Variants in YY1AP1 observed in about 807,000 individuals in gnomAD.
YY1AP1 encodes YY1 associated protein 1.
Under a neutral mutation model 39.9 loss-of-function variants are expected in YY1AP1, and 43 were observed. The observed-to-expected ratio is 1.08, with a 90% CI of 0.84 to 1.39. YY1AP1 has a LOEUF of 1.39. Among genes scored for constraint, YY1AP1 ranks in the 40% most tolerant of loss-of-function variants. The pLI is 0.00. For missense variants in YY1AP1, 813 were observed against 900.7 expected (o/e 0.90, Z 1.25); for synonymous variants, 292 against 331.3 (o/e 0.88, Z 1.29).
intron 5 of YY1AP1, among the ~76,000 whole-genome samples, chr1:155,676,109 C>T (rs1650627036): frequency 1.3e-5 from 2 of 151,984 alleles, no homozygotes; most frequent in Admixed American, 1.3e-4. Flanking sequence ...GTAGTCACAG[C>T]TACTCGGGAG....
intron 5 of YY1AP1, 92 bp from the exon 6 acceptor site, chr1:155,675,188 T>A (rs754245946): frequency 5.2e-6 from 6 of 1,162,598 alleles, no homozygotes; most frequent in Non-Finnish European, 6.3e-6. Flanking sequence ...GGAGACAGGG[T>A]CTTGCTCTGT....
chr1:155,663,914 C>T (rs980595027), intron 9 of YY1AP1, among the ~76,000 whole-genome samples: 1 of 151,632 alleles, frequency 6.6e-6, no homozygotes, highest in African/African-American at 2.4e-5. Flanking sequence ...ATGGCTCATG[C>T]CTATAATCCC....
Position 155,659,585 on chromosome 1 carries a change from GT to G in YY1AP1, c.*71del, listed in dbSNP as rs1427190320. The G allele has an allele frequency of 3.8e-6, 6 of 1,562,678 alleles. No individual in the cohort carries two copies. The African/African-American group carries it at 8.1e-5, about 21-fold the overall frequency. On this transcript the variant is annotated 3_prime_UTR_variant, in exon 11 of 11. Coordinates refer to ENST00000355499, the MANE Select transcript of YY1AP1 (RefSeq NM_139119.3). Reference sequence around the variant, plus strand: ...AGTACCCTTTAGGGGTTTCCTATTGGTTACACCCTATGCGCCACCAATCGGA... The same window carrying G: ...AGTACCCTTTAGGGGTTTCCTATTGGTACACCCTATGCGCCACCAATCGGA...
At chr1:155,665,239 G>C (rs979931500) in intron 9 of YY1AP1, among the ~76,000 whole-genome samples, 1 of 151,588 alleles carries the variant, frequency 6.6e-6, no homozygotes, top group Admixed American at 6.6e-5. Context: ...GCAAAAAACT[G>C]AGACCCCCCC....
intron 9 of YY1AP1, among the ~76,000 whole-genome samples, chr1:155,666,519 T>C (rs1400901418): frequency 6.6e-6 from 1 of 152,152 alleles, no homozygotes; most frequent in Admixed American, 6.5e-5. Context: ...AAAATGTGCA[T>C]GTTTGTGGTG....
chr1:155,679,336 T>C (rs746347687), intron 4 of YY1AP1, 73 bp downstream of exon 4: 2 of 1,605,720 alleles, frequency 1.2e-6, no homozygotes, highest in Non-Finnish European at 1.7e-6. Context: ...AATTGTTAAC[T>C]GCAACTTCTG....
In YY1AP1 at chr1:155,660,089, G is replaced by A. The variant is rs1414522539; in HGVS notation, c.1821C>T (p.Pro607=). Reference sequence around the variant, plus strand: ...AGGGTGAGACAGAGGAGGCCACAAGGGGCTGGTTCAATGGACAGGGGAAGG... The same window carrying A: ...AGGGTGAGACAGAGGAGGCCACAAGAGGCTGGTTCAATGGACAGGGGAAGG... ...PTSFPCPLNQ[P]LVASSVSPLI... Residue 607 remains proline, a synonymous_variant, in exon 11 of 11, where the codon CCC becomes CCT. Transcript: ENST00000355499. The A allele has an allele frequency of 2.5e-6, 4 of 1,614,170 alleles. No individual in the cohort carries two copies. Among genetic ancestry groups the A allele is most frequent in the Middle Eastern group, 1.6e-4 (1 of 6,062 alleles).
At chr1:155,688,614 C>G in intron 1 of YY1AP1, 45 bp downstream of exon 1, 1 of 1,535,184 alleles carries the variant, frequency 6.5e-7, no homozygotes. Flanking sequence ...TCCACTCCCC[C>G]TCAGACCCTG....
chr1:155,680,471 A>G lies in YY1AP1; in HGVS notation c.-20-15T>C. 1 of 1,611,562 alleles carries G rather than the reference A, an allele frequency of 6.2e-7. No individual in the cohort carries two copies. The highest frequency in any genetic ancestry group is 8.5e-7 in the Non-Finnish European group (1 of 1,177,912). ...TGCTTCCTTTTCTGCAAAAAAGCCAAACGTTGTTGGTATAAATTAGATTCA... is the reference window on the plus strand; with the variant it reads ...TGCTTCCTTTTCTGCAAAAAAGCCAGACGTTGTTGGTATAAATTAGATTCA... On this transcript the variant is annotated splice_polypyrimidine_tract_variant and intron_variant, in intron 2 of 10. Coordinates refer to ENST00000355499, the MANE Select transcript of YY1AP1 (RefSeq NM_139119.3).
chr1:155,662,250 T>C (rs1377534176), intron 9 of YY1AP1, among the ~76,000 whole-genome samples: 1 of 151,772 alleles, frequency 6.6e-6, no homozygotes, highest in Non-Finnish European at 1.5e-5. Context: ...CAGCACTTTG[T>C]GAGGCTGAGG....
chr1:155,688,418 C>T (rs1652993194), intron 1 of YY1AP1: 3 of 1,546,182 alleles, frequency 1.9e-6, no homozygotes, highest in Admixed American at 2.0e-5. Context: ...ACTCCTCCCT[C>T]CTCGCGTTCT....
In YY1AP1 at chr1:155,660,883, G is replaced by A. The variant is rs536088615; in HGVS notation, c.1027C>T (p.Arg343Trp). 2.3e-5 allele frequency: 37 copies of A among 1,614,148 alleles called. No homozygotes were observed. Among genetic ancestry groups the A allele is most frequent in the East Asian group, 4.5e-5 (2 of 44,880 alleles). Residue 343 changes from arginine (R) to tryptophan (W), a missense_variant, in exon 11 of 11, where the codon CGG becomes TGG. By Grantham distance (101) the Arg-to-Trp change is moderately radical. This residue lies in a region of YY1AP1 where 586 missense variants were observed against 647.4 expected (regional missense o/e 0.91). Transcript: ENST00000355499. ...ASLPSIQEEL[R>W]HMADGAREVG... ...TCTCTAGCACCATCAGCCATGTGCCGCAGTTCTTCCTGGATGGATGGCAGA... is the reference window on the plus strand; with the variant it reads ...TCTCTAGCACCATCAGCCATGTGCCACAGTTCTTCCTGGATGGATGGCAGA...
chr1:155,679,285 T>C, intron 4 of YY1AP1, 124 bp downstream of exon 4: 1 of 1,548,586 alleles, frequency 6.5e-7, no homozygotes, highest in South Asian at 1.2e-5. Context: ...GACAGGACTC[T>C]GCATCCTTAC....
chr1:155,659,900 A>G lies in YY1AP1; in HGVS notation c.2010T>C (p.Thr670=). The stretch of plus-strand genomic sequence containing the variant: ...GGCTATGTTCCACTTTGGGGAAAAC[A>G]GTAGCAGAGAGAGGAGATAGTTCCT... ...EPQELSPLSA[T]VFPKVEHSPG... Residue 670 remains threonine, a synonymous_variant, in exon 11 of 11, where the codon ACT becomes ACC. Transcript: ENST00000355499. 3.7e-6 allele frequency: 6 copies of G among 1,614,266 alleles called. No homozygotes were observed. The highest frequency in any genetic ancestry group is 5.1e-6 in the Non-Finnish European group (6 of 1,180,042).
At chr1:155,666,644 T>G (rs747036130) in intron 9 of YY1AP1, among the ~76,000 whole-genome samples, 1 of 151,996 alleles carries the variant, frequency 6.6e-6, no homozygotes, top group African/African-American at 2.4e-5. Flanking sequence ...GACAGGAGAA[T>G]TGCCTAAGGC....
At chr1:155,688,236 G>A in intron 1 of YY1AP1, 35 bp from the exon 2 acceptor site, 2 of 1,612,204 alleles carry the variant, frequency 1.2e-6, no homozygotes, top group Non-Finnish European at 1.7e-6. Context: ...AGGGAAAGGT[G>A]GAGGGCTAAA....
In YY1AP1 at chr1:155,670,402, T is replaced by C. The variant is rs202075688; in HGVS notation, c.646A>G (p.Met216Val). ...AWILATSKVF[M>V]YPELLPVCSL... ...CACACTGGAAGTAACTCTGGATACATGAAAACCTTGCTTGTGGCCAGGATC... is the reference window on the plus strand; with the variant it reads ...CACACTGGAAGTAACTCTGGATACACGAAAACCTTGCTTGTGGCCAGGATC... The change falls in exon 8 of 11, where the codon ATG becomes GTG. Residue 216 changes from methionine (M) to valine (V), a missense_variant. Around this residue, in one of 3 missense-constraint regions of YY1AP1, gnomAD observed 586 missense variants for 647.4 expected, o/e 0.91. Coordinates refer to ENST00000355499, the MANE Select transcript of YY1AP1 (RefSeq NM_139119.3). The C allele has an allele frequency of 1.2e-5, 19 of 1,613,944 alleles. No individual in the cohort carries two copies. The highest frequency in any genetic ancestry group is 1.1e-4 in the African/African-American group (8 of 74,930).
At chr1:155,687,827 G>A in intron 2 of YY1AP1, 1 of 467,952 alleles carries the variant, frequency 2.1e-6, no homozygotes, top group Non-Finnish European at 3.8e-6. Context: ...AGCCGACTCC[G>A]CCTCCACTCG....
chr1:155,659,571 G>A lies in YY1AP1; in HGVS notation c.*86C>T, dbSNP rs941301977. The A allele has an allele frequency of 4.1e-5, 60 of 1,478,608 alleles. No homozygotes were observed. Among genetic ancestry groups the A allele is most frequent in the Middle Eastern group, 1.8e-4 (1 of 5,702 alleles). 91.6% of individuals were successfully genotyped at this position (1,478,608 alleles called of 1,614,324 possible). ...AAATCTGGGGTTTAAGTACCCTTTA[G>A]GGGTTTCCTATTGGTTACACCCTAT... is the stretch of plus-strand genomic sequence containing the variant. On this transcript the variant is annotated 3_prime_UTR_variant, in exon 11 of 11. Coordinates refer to ENST00000355499, the MANE Select transcript of YY1AP1 (RefSeq NM_139119.3).
Sources: allele counts gnomAD v4.1 joint callset (sites outside exome capture counted in the v4.1 genomes callset), GRCh38; gene constraint gnomAD v4.1.1; regional missense constraint gnomAD v4.1.1; transcripts MANE v1.5; gene names NCBI Gene and HGNC (gene_info 2026-07-23, HGNC 2026-07-21).